Variants in MYOCD observed in about 807,000 individuals in gnomAD.
MYOCD encodes the protein myocardin.
Under a neutral mutation model 96.1 loss-of-function variants are expected in MYOCD, and 32 were observed. That is an observed-to-expected ratio of 0.33 (90% CI 0.25 to 0.45). The LOEUF is 0.45. Among genes scored for constraint, MYOCD ranks in the 20% least tolerant of loss-of-function variants. The pLI, the probability that MYOCD is intolerant of heterozygous loss-of-function variation, is 1.00. For synonymous variants in MYOCD, 469 were observed against 469.0 expected (o/e 1.00, Z 0.00); for missense variants, 1,133 against 1,200.6 (o/e 0.94, Z 0.83).
At chr17:12,737,224 C>T (rs2150704649) in intron 6 of MYOCD, among the ~76,000 whole-genome samples, 1 of 152,168 alleles carries the variant, frequency 6.6e-6, no homozygotes, top group Non-Finnish European at 1.5e-5. Context: ...CACTGCACTC[C>T]AGCCTGGGCA....
At chr17:12,697,939 C>A (rs1317116411) in intron 1 of MYOCD, among the ~76,000 whole-genome samples, 1 of 152,046 alleles carries the variant, frequency 6.6e-6, no homozygotes, top group African/African-American at 2.4e-5. Flanking sequence ...AGAGTTAGAG[C>A]CTAGCCTCAA....
At chr17:12,689,059 C>G (rs893716385) in intron 1 of MYOCD, among the ~76,000 whole-genome samples, 4 of 152,136 alleles carry the variant, frequency 2.6e-5, no homozygotes, top group African/African-American at 9.7e-5. Context: ...TTCCCGTTAT[C>G]TTTTCTATTT....
intron 12 of MYOCD, among the ~76,000 whole-genome samples, chr17:12,759,792 C>A (rs1000262792): frequency 6.6e-6 from 1 of 152,112 alleles, no homozygotes; most frequent in Non-Finnish European, 1.5e-5. Flanking sequence ...ATTGGAGCAA[C>A]CAAGCAAGAG....
Position 12,764,106 on chromosome 17 carries a change from C to T in MYOCD, c.*462C>T, listed in dbSNP as rs942886605. On this transcript the variant is annotated 3_prime_UTR_variant, in exon 14 of 14. Transcript: ENST00000425538. ...GACATACCTGCAATGGAAGCTGTTG[C>T]CCAATGTCTCCATTACTATCTTTCA... The T allele has an allele frequency of 3.3e-5, 5 of 153,010 alleles. No individual in the cohort carries two copies. Among genetic ancestry groups the T allele is most frequent in the African/African-American group, 9.7e-5 (4 of 41,450 alleles). The allele number at this position is 153,010 out of a possible 1,614,324, so 9.5% of individuals were successfully genotyped here.
intron 7 of MYOCD, among the ~76,000 whole-genome samples, chr17:12,742,590 A>C (rs1340999000): frequency 6.7e-6 from 1 of 148,702 alleles, no homozygotes; most frequent in Admixed American, 6.7e-5. Context: ...TTTTTTTTTG[A>C]GGCGGAGTCT....
At chr17:12,683,387 CATTT>C (rs1453691435) in intron 1 of MYOCD, among the ~76,000 whole-genome samples, 1 of 152,160 alleles carries the variant, frequency 6.6e-6, no homozygotes, top group Non-Finnish European at 1.5e-5. Context: ...TCCTTTCTTT[CATTT>C]GTCACTGTCA....
rs139283642 is a variant in MYOCD, at chr17:12,726,830, G to A, written c.415+3822G>A. 7.3e-4 allele frequency among the ~76,000 whole-genome samples: 111 copies of A among 152,192 alleles called. No individual in the cohort carries two copies. In the Middle Eastern group the frequency reaches 0.024, roughly 33 times the overall value. On this transcript the variant is annotated intron_variant, in intron 5 of 13. Coordinates refer to ENST00000425538, the MANE Select transcript of MYOCD (RefSeq NM_001146312.3). ...CTTTAAAACATTGCTTACTAAAATC[G>A]TAGGAAACCAAGGAAATTAAGAAAC...
chr17:12,686,589 G>A (rs1231281894), intron 1 of MYOCD, among the ~76,000 whole-genome samples: 1 of 152,178 alleles, frequency 6.6e-6, no homozygotes, highest in Non-Finnish European at 1.5e-5. Flanking sequence ...TTTAGACACA[G>A]GGCTTATCGT....
chr17:12,739,387 G>T (rs2032441517), intron 7 of MYOCD, 59 bp downstream of exon 7: 1 of 1,482,372 alleles, frequency 6.7e-7, no homozygotes, highest in South Asian at 1.4e-5. Context: ...AGCCGACTTG[G>T]AGCAGAACTT....
chr17:12,752,734 C>T lies in MYOCD; in HGVS notation c.1446C>T (p.Phe482=), dbSNP rs747325331. Residue 482 remains phenylalanine (F), a synonymous_variant, in exon 10 of 14, where the codon TTC becomes TTT. Coordinates refer to ENST00000425538, the MANE Select transcript of MYOCD (RefSeq NM_001146312.3). ...CCTTCAATGATGCCTCCCCCTCCTTCGGCCTGCACCCGTCCCCAGTCCACG... is the reference window on the plus strand; with the variant it reads ...CCTTCAATGATGCCTCCCCCTCCTTTGGCCTGCACCCGTCCCCAGTCCACG... ...PDTFNDASPS[F]GLHPSPVHVC... is the part of the protein sequence containing the mutation. 22 of 1,614,056 alleles carry T rather than the reference C, an allele frequency of 1.4e-5. 1 individual carries two copies. The highest frequency in any genetic ancestry group is 5.3e-5 in the African/African-American group (4 of 74,936).
chr17:12,716,985 C>CAAAAAAAAAAAAAAAAA (rs56992216), intron 3 of MYOCD, among the ~76,000 whole-genome samples: 1 of 112,952 alleles, frequency 8.9e-6, no homozygotes, highest in Non-Finnish European at 1.7e-5. Context: ...GATGCTGTCT[C>CAAAAAAAAAAAAAAAAA]AAAAAAAAAA....
intron 5 of MYOCD, among the ~76,000 whole-genome samples, chr17:12,733,616 C>G (rs1047251700): frequency 6.6e-6 from 1 of 152,074 alleles, no homozygotes; most frequent in Admixed American, 6.5e-5. Context: ...GCCTGTAATC[C>G]CAGCACTTTG....
intron 8 of MYOCD, among the ~76,000 whole-genome samples, chr17:12,744,948 A>G (rs977557668): frequency 3.3e-5 from 5 of 152,206 alleles, no homozygotes; most frequent in African/African-American, 7.2e-5. Context: ...GAAACTGCCA[A>G]TAGGTGGAGG....
chr17:12,743,639 C>A (rs1166323796), intron 7 of MYOCD, among the ~76,000 whole-genome samples: 1 of 151,722 alleles, frequency 6.6e-6, no homozygotes, highest in Non-Finnish European at 1.5e-5. Context: ...ATTACAGGCG[C>A]CTGACACCAC....
chr17:12,728,098 A>T (rs976598031), intron 5 of MYOCD, among the ~76,000 whole-genome samples: 1 of 152,232 alleles, frequency 6.6e-6, no homozygotes, highest in Non-Finnish European at 1.5e-5. Flanking sequence ...GCATTGTGTT[A>T]CATGAAAGCG....
rs140624421 is a variant in MYOCD, at chr17:12,753,425, A to G, written c.2058+79A>G. The G allele has an allele frequency of 1.3e-4, 168 of 1,304,620 alleles. No homozygotes were observed. In the Middle Eastern group the frequency reaches 1.7e-3, roughly 14 times the overall value. The allele number at this position is 1,304,620 out of a possible 1,614,324, so 80.8% of individuals were successfully genotyped here. On this transcript the variant is annotated intron_variant, in intron 10 of 13. Coordinates refer to ENST00000425538, the MANE Select transcript of MYOCD (RefSeq NM_001146312.3). ...CAAATTTTCAACTGCTAAAGAGCTA[A>G]TGTCAGAATTTTCAATGGGAAGGGT...
intron 10 of MYOCD, among the ~76,000 whole-genome samples, chr17:12,754,391 CAT>C (rs2032955564): frequency 6.6e-6 from 1 of 152,178 alleles, no homozygotes; most frequent in African/African-American, 2.4e-5. Flanking sequence ...CGTGAGCCAC[CAT>C]GCCCAGCCGG....
chr17:12,739,062 C>G (rs764005417), intron 6 of MYOCD, 141 bp from the exon 7 acceptor site: 90 of 892,836 alleles, frequency 1.0e-4, no homozygotes, highest in Middle Eastern at 6.7e-4. Flanking sequence ...TGTGACTCCT[C>G]CCACTGAGGG....
chr17:12,723,941 G>A (rs908059937), intron 5 of MYOCD, among the ~76,000 whole-genome samples: 10 of 152,108 alleles, frequency 6.6e-5, no homozygotes, highest in South Asian at 2.1e-4. Flanking sequence ...CTCACCCTGC[G>A]ATTCAGAGGC....
Sources: allele counts gnomAD v4.1 joint callset (sites outside exome capture counted in the v4.1 genomes callset), GRCh38; gene constraint gnomAD v4.1.1; transcripts MANE v1.5; gene names NCBI Gene and HGNC (gene_info 2026-07-23, HGNC 2026-07-21).